The following TNPO3 variants were observed in gnomAD, a reference collection of about 807,000 sequenced individuals.
TNPO3 encodes the protein transportin 3, also known as transportin-3.
A neutral mutation model predicts 122.8 loss-of-function variants in TNPO3; 65 were observed. The ratio of observed to expected loss-of-function variants is 0.53; its 90% CI spans 0.43 to 0.65. The LOEUF (loss-of-function observed/expected upper bound fraction) is 0.65. Among genes scored for constraint, TNPO3 ranks in the 30% least tolerant of loss-of-function variants. The probability of loss-of-function intolerance (pLI) is 0.00; values close to 1 mark genes in which losing one functional copy is unlikely to be tolerated. For missense variants in TNPO3, 850 were observed against 1,136.7 expected (o/e 0.75, Z 3.63); for synonymous variants, 372 against 411.2 (o/e 0.90, Z 1.15).
intron 21 of TNPO3, 138 bp from the exon 22 acceptor site, chr7:128,957,453 G>A: frequency 1.2e-6 from 1 of 834,364 alleles, no homozygotes. Flanking sequence ...GAGCGATCCT[G>A]GCTTCAGATC....
intron 20 of TNPO3, 93 bp downstream of exon 20, chr7:128,970,055 A>G (rs1585324464): frequency 6.7e-7 from 1 of 1,500,550 alleles, no homozygotes; most frequent in East Asian, 2.3e-5. Flanking sequence ...GACAGAAAAC[A>G]GGGCTAGTTT....
intron 6 of TNPO3, 58 bp downstream of exon 6, chr7:129,001,001 T>C (rs1801884015): frequency 7.0e-6 from 11 of 1,564,878 alleles, no homozygotes; most frequent in African/African-American, 1.4e-5. Context: ...AAAAGTGACT[T>C]AAAAGAATGA....
intron 1 of TNPO3, among the ~76,000 whole-genome samples, chr7:129,019,332 T>C (rs1391574851): frequency 6.6e-6 from 1 of 152,182 alleles, no homozygotes; most frequent in African/African-American, 2.4e-5. Context: ...TCAACCTCAA[T>C]TTAGGAATAG....
Position 129,054,761 on chromosome 7 carries a change from C to T in TNPO3, c.10G>A (p.Ala4Thr), listed in dbSNP as rs750429080. The T allele has an allele frequency of 3.7e-6, 6 of 1,614,152 alleles. No homozygotes were observed. Among genetic ancestry groups the T allele is most frequent in the Non-Finnish European group, 5.1e-6 (6 of 1,180,012 alleles). The change falls in exon 1 of 23, where the codon GCA becomes ACA. Residue 4 changes from alanine (A) to threonine (T), a missense_variant. Coordinates refer to ENST00000265388, the MANE Select transcript of TNPO3 (RefSeq NM_012470.4). Reference protein sequence around the residue: MEGAKPTLQLVYQA... With the variant: MEGTKPTLQLVYQA... ...TACACGAGCTGCAATGTCGGCTTTG[C>T]TCCTTCCATGGTGGTGGCGGTAGTG... is the stretch of plus-strand genomic sequence containing the variant.
chr7:129,053,758 C>T (rs1809104763), intron 1 of TNPO3, among the ~76,000 whole-genome samples: 1 of 152,078 alleles, frequency 6.6e-6, no homozygotes, highest in Admixed American at 6.6e-5. Flanking sequence ...TTTCAAAGTA[C>T]TTAATTTTTA....
chr7:129,045,869 C>G (rs1807971063), intron 1 of TNPO3, among the ~76,000 whole-genome samples: 1 of 152,220 alleles, frequency 6.6e-6, no homozygotes, highest in East Asian at 1.9e-4. Context: ...TATATTTGTA[C>G]CGTACAGTAC....
Position 128,992,797 on chromosome 7 carries a change from C to G in TNPO3, c.1267-707G>C, listed in dbSNP as rs553390736. Among the ~76,000 whole-genome samples, 581 of 121,904 alleles carry G rather than the reference C, an allele frequency of 4.8e-3. 5 individuals are homozygous for G. Among genetic ancestry groups the G allele is most frequent in the African/African-American group, 0.016 (542 of 34,632 alleles). 80.0% of individuals were successfully genotyped at this position (121,904 alleles called of 152,430 possible). ...ACCATTTCCTAATTTTAATTAATAA[C>G]TTTTTTTTGGCAAAAAATATCTCAT... On this transcript the variant is annotated intron_variant, in intron 9 of 22. Transcript: ENST00000265388.
chr7:129,050,196 A>G (rs932978748), intron 1 of TNPO3, among the ~76,000 whole-genome samples: 1 of 152,044 alleles, frequency 6.6e-6, no homozygotes, highest in Admixed American at 6.6e-5. Flanking sequence ...ATCCTGGCTA[A>G]CATGGTGAAA....
At chr7:128,970,471 G>T (rs182737393) in intron 19 of TNPO3, among the ~76,000 whole-genome samples, 156 bp from the exon 20 acceptor site, 1 of 152,168 alleles carries the variant, frequency 6.6e-6, no homozygotes, top group Admixed American at 6.5e-5. Context: ...TGTGTAAAAT[G>T]ACAGCTGGAT....
chr7:128,992,154 AC>A, intron 9 of TNPO3, 64 bp from the exon 10 acceptor site: 1 of 911,440 alleles, frequency 1.1e-6, no homozygotes. Flanking sequence ...AACAAACAAA[AC>A]AAAAAATCCA....
intron 5 of TNPO3, 97 bp from the exon 6 acceptor site, chr7:129,001,331 T>C (rs1306476101): frequency 6.2e-6 from 6 of 974,604 alleles, no homozygotes; most frequent in African/African-American, 4.8e-5. Context: ...CAACCATCGA[T>C]AGAAAATATT....
chr7:129,022,102 T>A (rs951408880), intron 1 of TNPO3, among the ~76,000 whole-genome samples: 9 of 152,140 alleles, frequency 5.9e-5, no homozygotes, highest in African/African-American at 2.2e-4. Context: ...AAAATGTTCC[T>A]GGTTGGGCAA....
At chr7:128,964,146 C>T (rs1198656237) in intron 21 of TNPO3, among the ~76,000 whole-genome samples, 1 of 151,996 alleles carries the variant, frequency 6.6e-6, no homozygotes, top group Non-Finnish European at 1.5e-5. Flanking sequence ...ATTAAAGACA[C>T]CAATAAATGG....
chr7:128,998,027 T>TC (rs1459843560), intron 7 of TNPO3, among the ~76,000 whole-genome samples: 2 of 144,038 alleles, frequency 1.4e-5, no homozygotes, highest in Non-Finnish European at 3.1e-5. Flanking sequence ...TTTTTTTTTT[T>TC]AGTAGAAACA....
intron 1 of TNPO3, among the ~76,000 whole-genome samples, chr7:129,020,612 GTAT>G: frequency 6.6e-6 from 1 of 152,070 alleles, no homozygotes; most frequent in Middle Eastern, 3.4e-3. Flanking sequence ...GCTAATTTTT[GTAT>G]TTTTTTGTAG....
intron 21 of TNPO3, among the ~76,000 whole-genome samples, chr7:128,966,922 C>T (rs1035219062): frequency 2.2e-4 from 33 of 152,150 alleles, no homozygotes; most frequent in African/African-American, 8.0e-4. Flanking sequence ...AATGCTTTGC[C>T]TTACTCAGGT....
intron 9 of TNPO3, among the ~76,000 whole-genome samples, chr7:128,993,447 T>C (rs552527605): frequency 6.6e-6 from 1 of 152,304 alleles, no homozygotes; most frequent in South Asian, 2.1e-4. Flanking sequence ...AGTTGGTACG[T>C]AATTACTAAA....
chr7:128,970,372 C>A lies in TNPO3; in HGVS notation c.2431-57G>T, dbSNP rs1028162220. Reference sequence around the variant, plus strand: ...ATTCTAGTCTCAACTTCCCAAAGACCAAGCACTCTTTCCCCTTTAGTAATT... The same window carrying A: ...ATTCTAGTCTCAACTTCCCAAAGACAAAGCACTCTTTCCCCTTTAGTAATT... On this transcript the variant is annotated intron_variant, in intron 19 of 22. Transcript: ENST00000265388. The A allele has an allele frequency of 3.4e-6, 5 of 1,482,130 alleles. No individual in the cohort carries two copies. In the East Asian group the frequency reaches 6.9e-5, roughly 20 times the overall value. 91.8% of individuals were successfully genotyped at this position (1,482,130 alleles called of 1,614,324 possible).
At chr7:129,036,632 C>T (rs989309147) in intron 1 of TNPO3, among the ~76,000 whole-genome samples, 7 of 152,010 alleles carry the variant, frequency 4.6e-5, no homozygotes, top group Non-Finnish European at 8.8e-5. Flanking sequence ...TGTCCTTGTT[C>T]TTACAAGATA....
Sources: gnomAD v4.1 joint callset for allele counts (sites outside exome capture counted in the v4.1 genomes callset) on GRCh38, gnomAD v4.1.1 for gene constraint, MANE v1.5 for transcripts, NCBI Gene and HGNC (gene_info 2026-07-23, HGNC 2026-07-21) for gene names.